SLC9B1: variants seen among roughly 807,000 people sequenced by gnomAD.
SLC9B1 encodes solute carrier family 9 member B1, also known as sodium/hydrogen exchanger 9B1.
SLC9B1 carries 32 observed loss-of-function variants against 51.7 expected under a neutral mutation model. The ratio of observed to expected loss-of-function variants is 0.62; its 90% CI spans 0.47 to 0.83. SLC9B1 has a LOEUF of 0.83. Ranked by LOEUF, SLC9B1 falls within the 40% of genes least tolerant of loss-of-function variation. SLC9B1 has a pLI of 0.00. For synonymous variants in SLC9B1, 145 were observed against 212.7 expected (o/e 0.68, Z 2.77); for missense variants, 406 against 613.2 (o/e 0.66, Z 3.57).
Position 102,886,619 on chromosome 4 carries a change from T to C in SLC9B1, c.1333-1291A>G, listed in dbSNP as rs548615401. On this transcript the variant is annotated intron_variant, in intron 11 of 11. Coordinates refer to the SLC9B1 transcript ENST00000394789. Reference sequence around the variant, plus strand: ...TTAAAATTTATTTTTATTTATTCTTTATTTATTTTTGCGGGGGACAGAGTC... The same window carrying C: ...TTAAAATTTATTTTTATTTATTCTTCATTTATTTTTGCGGGGGACAGAGTC... Among the ~76,000 whole-genome samples, 10 of 152,290 alleles carry C rather than the reference T, an allele frequency of 6.6e-5. No homozygotes were observed. The South Asian group carries it at 1.7e-3, about 25-fold the overall frequency.
intron 9 of SLC9B1, 86 bp downstream of exon 9, chr4:102,910,353 C>T: frequency 2.4e-6 from 3 of 1,234,394 alleles, no homozygotes; most frequent in Non-Finnish European, 3.3e-6. Flanking sequence ...GGAACATTTT[C>T]CAACCAGAAT....
At chr4:103,014,172 T>C (rs552620726) in intron 1 of SLC9B1, among the ~76,000 whole-genome samples, 4 of 152,334 alleles carry the variant, frequency 2.6e-5, no homozygotes, top group African/African-American at 7.2e-5. Flanking sequence ...ACTTTAGCCA[T>C]ACTAAATTTT....
intron 1 of SLC9B1, among the ~76,000 whole-genome samples, chr4:103,009,156 G>T (rs1210343665): frequency 6.6e-6 from 1 of 152,178 alleles, no homozygotes; most frequent in Non-Finnish European, 1.5e-5. Flanking sequence ...CAAGAAATAG[G>T]CTGAAAGAAT....
intron 3 of SLC9B1, chr4:102,963,122 G>C: frequency 2.7e-6 from 1 of 365,794 alleles, no homozygotes; most frequent in Non-Finnish European, 5.4e-6. Context: ...TTAAAACTCA[G>C]TAAGGAGCTC....
intron 6 of SLC9B1, among the ~76,000 whole-genome samples, chr4:102,943,538 C>CACA (rs371230337): frequency 6.6e-6 from 1 of 151,104 alleles, no homozygotes; most frequent in Non-Finnish European, 1.5e-5. Context: ...CACACACACA[C>CACA]CATCGACAGA....
At chr4:102,886,308 G>A (rs1733911433) in intron 11 of SLC9B1, among the ~76,000 whole-genome samples, 1 of 152,000 alleles carries the variant, frequency 6.6e-6, no homozygotes, top group Non-Finnish European at 1.5e-5. Flanking sequence ...CCAACATGGT[G>A]AAACCCCGTC....
intron 1 of SLC9B1, chr4:103,016,615 G>A (rs976734142): frequency 7.4e-6 from 1 of 136,020 alleles, no homozygotes; most frequent in Non-Finnish European, 1.6e-5. Context: ...TGTAGTCTTG[G>A]CTTTTTTTTT....
chr4:102,977,165 A>G (rs896844838), intron 3 of SLC9B1, among the ~76,000 whole-genome samples: 8 of 152,058 alleles, frequency 5.3e-5, no homozygotes, highest in African/African-American at 1.9e-4. Context: ...AAAGAAAAAA[A>G]AAGAGAGAAA....
At chr4:103,008,797 C>T (rs76796662) in intron 1 of SLC9B1, among the ~76,000 whole-genome samples, 1,286 of 99,250 alleles carry the variant, frequency 0.013, 21 homozygotes, top group Middle Eastern at 0.022. Flanking sequence ...TTAACAGTTT[C>T]TTTTTTTTTT....
At chr4:102,929,885 C>T (rs1283613494) in intron 7 of SLC9B1, among the ~76,000 whole-genome samples, 2 of 152,132 alleles carry the variant, frequency 1.3e-5, no homozygotes, top group Non-Finnish European at 2.9e-5. Context: ...AGATACCAAT[C>T]ATGAAGGAAA....
Position 102,976,304 on chromosome 4 carries a change from A to G in SLC9B1, c.211+13496T>C, listed in dbSNP as rs572400246. Among the ~76,000 whole-genome samples, 96 of 152,334 alleles carry G rather than the reference A, an allele frequency of 6.3e-4. 1 individual carries two copies. The highest frequency in any genetic ancestry group is 2.2e-3 in the African/African-American group (93 of 41,580). ...GTAATATTCTAGGTCTTGAATGTAG[A>G]TATCAGTATTGATTTACTTTGAACT... On this transcript the variant is annotated intron_variant, in intron 3 of 11. Coordinates refer to ENST00000296422, the MANE Select transcript of SLC9B1 (RefSeq NM_139173.4).
chr4:103,005,057 CATG>C (rs1246636443), intron 1 of SLC9B1, among the ~76,000 whole-genome samples: 1 of 151,966 alleles, frequency 6.6e-6, no homozygotes, highest in Non-Finnish European at 1.5e-5. Flanking sequence ...CAGCTAGCAA[CATG>C]ATGACAGAAT....
chr4:103,016,134 C>CAAAAAAAA (rs61227731), intron 1 of SLC9B1, among the ~76,000 whole-genome samples: 3 of 49,628 alleles, frequency 6.0e-5, no homozygotes, highest in Admixed American at 2.9e-4. Context: ...AACTCTGTCT[C>CAAAAAAAA]AAAAAAAAAA....
intron 7 of SLC9B1, among the ~76,000 whole-genome samples, chr4:102,930,519 T>A (rs1736396152): frequency 1.3e-5 from 2 of 152,158 alleles, no homozygotes; most frequent in Admixed American, 6.6e-5. Flanking sequence ...ATTCTTCTGC[T>A]TCAGCCTCCT....
At chr4:102,950,202 C>A (rs965889721) in intron 3 of SLC9B1, among the ~76,000 whole-genome samples, 2 of 152,072 alleles carry the variant, frequency 1.3e-5, no homozygotes, top group Admixed American at 6.6e-5. Flanking sequence ...CCTACTAAAT[C>A]TTTGTATTGA....
chr4:102,954,020 C>T (rs199790999), intron 3 of SLC9B1, among the ~76,000 whole-genome samples: 46 of 42,506 alleles, frequency 1.1e-3, no homozygotes, highest in Admixed American at 4.8e-3. Context: ...TGAATAGGAG[C>T]GGTGAGAGAG....
chr4:102,889,992 T>C (rs1481486840), intron 11 of SLC9B1: 2 of 151,596 alleles, frequency 1.3e-5, no homozygotes, highest in Non-Finnish European at 2.9e-5. Context: ...CTGCGTCACA[T>C]GATTGTTTTG....
intron 11 of SLC9B1, among the ~76,000 whole-genome samples, chr4:102,904,108 G>A (rs549609943): frequency 6.6e-6 from 1 of 151,882 alleles, no homozygotes; most frequent in African/African-American, 2.4e-5. Context: ...ACCCAAGCTG[G>A]AGTGAAGTGG....
At chr4:102,984,723 T>C (rs1739527133) in intron 3 of SLC9B1, among the ~76,000 whole-genome samples, 1 of 152,234 alleles carries the variant, frequency 6.6e-6, no homozygotes, top group Admixed American at 6.5e-5. Flanking sequence ...GATGATACTG[T>C]TGAGTTCAAC....
Sources: gnomAD v4.1 joint callset for allele counts (sites outside exome capture counted in the v4.1 genomes callset) on GRCh38, gnomAD v4.1.1 for gene constraint, MANE v1.5 for transcripts, NCBI Gene and HGNC (gene_info 2026-07-23, HGNC 2026-07-21) for gene names.